CADM2: variants seen among roughly 807,000 people sequenced by gnomAD.
CADM2 encodes the protein immunoglobulin superfamily member 4D.
A neutral mutation model predicts 49.8 loss-of-function variants in CADM2; 12 were observed. That is an observed-to-expected ratio of 0.24 (90% CI 0.15 to 0.39). The LOEUF is 0.39. Among genes scored for constraint, CADM2 ranks in the 10% least tolerant of loss-of-function variants. CADM2 has a pLI of 1.00. For missense variants in CADM2, 378 were observed against 492.3 expected (o/e 0.77, Z 2.20); for synonymous variants, 214 against 175.4 (o/e 1.22, Z -1.74).
At chr3:85,783,462 G>A (rs548713942) in intron 2 of CADM2, among the ~76,000 whole-genome samples, 1 of 152,120 alleles carries the variant, frequency 6.6e-6, no homozygotes, top group Non-Finnish European at 1.5e-5. Context: ...GGTCCATAAG[G>A]TTCCCATTGG....
intron 1 of CADM2, among the ~76,000 whole-genome samples, chr3:85,390,658 C>A (rs2034474696): frequency 6.6e-6 from 1 of 151,980 alleles, no homozygotes; most frequent in South Asian, 2.1e-4. Context: ...CAAAATTAAC[C>A]AAATCTTCAT....
chr3:85,118,262 A>G (rs2038715250), intron 1 of CADM2, among the ~76,000 whole-genome samples: 2 of 137,868 alleles, frequency 1.5e-5, no homozygotes, highest in Admixed American at 1.5e-4. Flanking sequence ...ATTAAATAAA[A>G]TTGATATATT....
At chr3:85,745,857 T>C (rs1032871164) in intron 2 of CADM2, among the ~76,000 whole-genome samples, 3 of 152,050 alleles carry the variant, frequency 2.0e-5, no homozygotes, top group African/African-American at 4.8e-5. Context: ...TGAGATTCCT[T>C]CCTTGTTAAT....
intron 1 of CADM2, among the ~76,000 whole-genome samples, chr3:85,305,957 A>G (rs2044202042): frequency 6.6e-6 from 1 of 151,650 alleles, no homozygotes; most frequent in Non-Finnish European, 1.5e-5. Context: ...ACTCAGCATC[A>G]CAGAAGCTCT....
At chr3:85,920,016 T>C (rs1215885202) in intron 6 of CADM2, among the ~76,000 whole-genome samples, 2 of 151,892 alleles carry the variant, frequency 1.3e-5, no homozygotes, top group Non-Finnish European at 2.9e-5. Flanking sequence ...AAAGTTCTTA[T>C]CTATGCAGTC....
intron 1 of CADM2, among the ~76,000 whole-genome samples, chr3:85,231,032 T>G (rs1399678486): frequency 2.0e-5 from 3 of 152,130 alleles, no homozygotes; most frequent in Non-Finnish European, 2.9e-5. Flanking sequence ...TACAGATGGC[T>G]GCTTTCTCAC....
At chr3:84,993,572 T>C (rs1187332656) in intron 1 of CADM2, among the ~76,000 whole-genome samples, 1 of 152,134 alleles carries the variant, frequency 6.6e-6, no homozygotes, top group African/African-American at 2.4e-5. Flanking sequence ...CAGGAAAGGA[T>C]TAGCAGAAAG....
At chr3:85,536,733 T>G (rs1357751114) in intron 1 of CADM2, among the ~76,000 whole-genome samples, 1 of 151,982 alleles carries the variant, frequency 6.6e-6, no homozygotes, top group African/African-American at 2.4e-5. Context: ...CAATCAAAAA[T>G]AAAGGGAAGA....
chr3:85,564,167 TTCTCTCTCTC>T (rs3086193), intron 1 of CADM2, among the ~76,000 whole-genome samples: 2 of 149,584 alleles, frequency 1.3e-5, no homozygotes, highest in African/African-American at 2.5e-5. Flanking sequence ...GAAAGCATGA[TTCTCTCTCTC>T]TCTCTCTCTC....
At chr3:85,858,233 A>T (rs2075388513) in intron 3 of CADM2, among the ~76,000 whole-genome samples, 1 of 152,230 alleles carries the variant, frequency 6.6e-6, no homozygotes, top group African/African-American at 2.4e-5. Context: ...GATCTCTGTG[A>T]CTTGATATCA....
Position 85,489,802 on chromosome 3 carries a change from T to TGA in CADM2, c.62-236719_62-236718insAG, listed in dbSNP as rs1292438382. The stretch of plus-strand genomic sequence containing the variant: ...AAATTATTTAACGTGTGTGTGTGTG[T>TGA]GTGTGAGAGAGAGAGAGAGAGAGAG... On this transcript the variant is annotated intron_variant, in intron 1 of 9. Transcript: ENST00000383699. Among the ~76,000 whole-genome samples the TGA allele has an allele frequency of 1.5e-3, 206 of 136,118 alleles. 1 individual carries two copies. Among genetic ancestry groups the TGA allele is most frequent in the African/African-American group, 4.2e-3 (168 of 40,110 alleles). The allele number at this position is 136,118 out of a possible 152,430, so 89.3% of individuals were successfully genotyped here.
At chr3:85,824,791 G>GC (rs1259335324) in intron 3 of CADM2, among the ~76,000 whole-genome samples, 1 of 152,028 alleles carries the variant, frequency 6.6e-6, no homozygotes, top group African/African-American at 2.4e-5. Flanking sequence ...CATATGAGAA[G>GC]CAGTAAGGAT....
At chr3:85,923,975 T>A (rs189709514) in intron 6 of CADM2, among the ~76,000 whole-genome samples, 15 of 152,316 alleles carry the variant, frequency 9.8e-5, no homozygotes, top group African/African-American at 3.6e-4. Context: ...TGTTATTCTT[T>A]TTATCATAGT....
At chr3:84,980,085 A>T (rs1473780457) in intron 1 of CADM2, among the ~76,000 whole-genome samples, 2 of 152,192 alleles carry the variant, frequency 1.3e-5, no homozygotes. Flanking sequence ...CTTGATCATA[A>T]TCATACAAAG....
At chr3:85,167,388 A>G (rs1362983560) in intron 1 of CADM2, among the ~76,000 whole-genome samples, 2 of 152,108 alleles carry the variant, frequency 1.3e-5, no homozygotes, top group Non-Finnish European at 2.9e-5. Context: ...ACATAATAAA[A>G]TGGATATAAA....
intron 8 of CADM2, among the ~76,000 whole-genome samples, chr3:86,043,104 C>G (rs1206018392): frequency 6.6e-6 from 1 of 152,144 alleles, no homozygotes; most frequent in Non-Finnish European, 1.5e-5. Flanking sequence ...CTATCTATGA[C>G]AAACCCACAG....
chr3:85,237,032 A>T (rs1350146673), intron 1 of CADM2, among the ~76,000 whole-genome samples: 2 of 152,084 alleles, frequency 1.3e-5, no homozygotes, highest in Non-Finnish European at 2.9e-5. Flanking sequence ...ATTAAACCAT[A>T]TTTAAATAAG....
chr3:85,950,040 T>C (rs1489825506), intron 7 of CADM2, among the ~76,000 whole-genome samples: 1 of 151,136 alleles, frequency 6.6e-6, no homozygotes, highest in African/African-American at 2.4e-5. Context: ...AATTTTTTCA[T>C]TATGAAAACA....
chr3:85,704,950 C>T (rs1277403679), intron 1 of CADM2, among the ~76,000 whole-genome samples: 2 of 150,860 alleles, frequency 1.3e-5, no homozygotes, highest in Admixed American at 1.3e-4. Flanking sequence ...GCTCCGCCTC[C>T]CGGGTTCACG....
Sources: allele counts gnomAD v4.1 joint callset (sites outside exome capture counted in the v4.1 genomes callset), GRCh38; gene constraint gnomAD v4.1.1; transcripts MANE v1.5; gene names NCBI Gene and HGNC (gene_info 2026-07-23, HGNC 2026-07-21).